Variants in ZNF423 observed in about 807,000 individuals in gnomAD.
ZNF423 encodes Ebf-associated zinc finger protein.
Under a neutral mutation model 95.8 loss-of-function variants are expected in ZNF423, and 12 were observed. The observed-to-expected ratio is 0.13, with a 90% CI of 0.08 to 0.20. The LOEUF is 0.20. Among genes scored for constraint, ZNF423 ranks in the 10% least tolerant of loss-of-function variants. The pLI, the probability that ZNF423 is intolerant of heterozygous loss-of-function variation, is 1.00. For missense variants in ZNF423, 1,316 were observed against 1,737.1 expected (o/e 0.76, Z 4.31); for synonymous variants, 749 against 711.9 (o/e 1.05, Z -0.83).
intron 5 of ZNF423, among the ~76,000 whole-genome samples, chr16:49,614,663 A>G (rs925535611): frequency 6.6e-6 from 1 of 152,166 alleles, no homozygotes; most frequent in Non-Finnish European, 1.5e-5. Context: ...CCTGGATGTG[A>G]TATTGTACTC....
chr16:49,824,158 G>A (rs1303680531), intron 1 of ZNF423, among the ~76,000 whole-genome samples: 1 of 152,080 alleles, frequency 6.6e-6, no homozygotes, highest in Non-Finnish European at 1.5e-5. Flanking sequence ...GGGGGGGAAT[G>A]TCCCAAAATA....
chr16:49,520,237 T>C (rs1178553206), intron 7 of ZNF423, among the ~76,000 whole-genome samples: 3 of 152,176 alleles, frequency 2.0e-5, no homozygotes, highest in Non-Finnish European at 4.4e-5. Flanking sequence ...AACAAATGAA[T>C]AGGAAAGCTA....
chr16:49,623,784 G>C (rs1400820819), intron 5 of ZNF423, among the ~76,000 whole-genome samples: 1 of 152,180 alleles, frequency 6.6e-6, no homozygotes, highest in African/African-American at 2.4e-5. Context: ...CACACGATTG[G>C]GAGTCAGTGG....
At chr16:49,779,182 A>C (rs1226245758) in intron 2 of ZNF423, among the ~76,000 whole-genome samples, 2 of 152,024 alleles carry the variant, frequency 1.3e-5, no homozygotes, top group African/African-American at 4.8e-5. Context: ...AGACACAGAG[A>C]ATCAGACTTG....
chr16:49,701,101 A>G (rs1008783596), intron 3 of ZNF423, among the ~76,000 whole-genome samples: 2 of 152,272 alleles, frequency 1.3e-5, no homozygotes, highest in Admixed American at 6.5e-5. Context: ...TGCCAGATTT[A>G]GAATGAAAAA....
intron 2 of ZNF423, among the ~76,000 whole-genome samples, chr16:49,747,656 T>TAA (rs10701037): frequency 0.089 from 13,138 of 147,388 alleles, 631 homozygotes; most frequent in Non-Finnish European, 0.1. Context: ...ATATTTCATT[T>TAA]AAAAAAAAAA....
Position 49,638,803 on chromosome 16 carries a change from G to C in ZNF423, c.373C>G (p.Gln125Glu). The change falls in exon 4 of 8, where the codon CAG (glutamine) becomes GAG (glutamate). Residue 125 changes from glutamine (Q) to glutamate (E), a missense_variant. Coordinates refer to ENST00000563137, the MANE Select transcript of ZNF423 (RefSeq NM_001379286.1). The surrounding 1 kb of genome is among the most constrained non-coding windows in gnomAD (Gnocchi z 5.6). ...PSSKDVASPT[Q>E]MIGDGCDLGL... ...AGGTCACAACCATCTCCGATCATCT[G>C]CGTGGGTGACGCAACATCCTTGCTG... 1 of 1,614,106 alleles carries C rather than the reference G, an allele frequency of 6.2e-7. No individual in the cohort carries two copies. Among genetic ancestry groups the C allele is most frequent in the African/African-American group, 1.3e-5 (1 of 75,060 alleles).
intron 3 of ZNF423, among the ~76,000 whole-genome samples, chr16:49,669,695 G>T (rs1028653793): frequency 1.3e-5 from 2 of 152,144 alleles, no homozygotes; most frequent in Admixed American, 1.3e-4. Context: ...AAAAAGAGTT[G>T]GTGATATCTC....
chr16:49,582,048 C>A (rs545400313), intron 5 of ZNF423, among the ~76,000 whole-genome samples: 1 of 152,206 alleles, frequency 6.6e-6, no homozygotes, highest in Non-Finnish European at 1.5e-5. Flanking sequence ...GTTGCACCTA[C>A]TCTGTCTGCA....
chr16:49,527,462 A>AC (rs1317197645), intron 5 of ZNF423, among the ~76,000 whole-genome samples: 2 of 151,722 alleles, frequency 1.3e-5, no homozygotes, highest in East Asian at 1.9e-4. Context: ...GCCTCAAAAG[A>AC]CCCCCCAATG....
At chr16:49,526,661 G>C (rs1262016752) in intron 5 of ZNF423, among the ~76,000 whole-genome samples, 1 of 152,240 alleles carries the variant, frequency 6.6e-6, no homozygotes, top group Non-Finnish European at 1.5e-5. Flanking sequence ...CCTGGTTTGA[G>C]CTTCACATCA....
intron 3 of ZNF423, among the ~76,000 whole-genome samples, chr16:49,699,465 G>A (rs556774698): frequency 6.6e-6 from 1 of 152,186 alleles, no homozygotes; most frequent in Admixed American, 6.5e-5. Flanking sequence ...CTGTTTGGGG[G>A]CGCAAAGGCT....
At chr16:49,575,624 T>C (rs72793532) in intron 5 of ZNF423, among the ~76,000 whole-genome samples, 5,468 of 152,236 alleles carry the variant, frequency 0.036, 141 homozygotes, top group African/African-American at 0.072. Flanking sequence ...GCTGTATGGC[T>C]AGCAGTGGGT....
chr16:49,853,593 G>T (rs1271470146), intron 1 of ZNF423: 1 of 976,350 alleles, frequency 1.0e-6, no homozygotes, highest in Non-Finnish European at 1.2e-6. Flanking sequence ...CTGGTCTCCT[G>T]TTCACCTTGC....
rs954625680 is a variant in ZNF423 at position 49,688,407 on chromosome 16, G to A, written c.301+42364C>T. 9.2e-5 allele frequency among the ~76,000 whole-genome samples: 14 copies of A among 152,284 alleles called. No homozygotes were observed. The East Asian group carries it at 1.2e-3, about 13-fold the overall frequency. On this transcript the variant is annotated intron_variant, in intron 3 of 7. Coordinates refer to ENST00000563137, the MANE Select transcript of ZNF423 (RefSeq NM_001379286.1). ...TTCAACAGAAAAGACATAGGAGCCCGCCCTCTTGCTCCATAGAGGGAAGCC... is the reference window on the plus strand; with the variant it reads ...TTCAACAGAAAAGACATAGGAGCCCACCCTCTTGCTCCATAGAGGGAAGCC...
At chr16:49,852,248 G>A (rs915362948) in intron 1 of ZNF423, among the ~76,000 whole-genome samples, 1 of 152,130 alleles carries the variant, frequency 6.6e-6, no homozygotes, top group Admixed American at 6.5e-5. Context: ...CGTTGGGGTG[G>A]GCGGGTGTAT....
chr16:49,691,508 G>A (rs528769330), intron 3 of ZNF423, among the ~76,000 whole-genome samples: 26 of 152,306 alleles, frequency 1.7e-4, no homozygotes, highest in Non-Finnish European at 3.4e-4. Context: ...CTAGGCGGGC[G>A]GATCACGAGA....
At position 49,626,177 on chromosome 16, in the gene ZNF423, G is replaced by A. The variant is rs1972260726; in HGVS notation, c.3594C>T (p.His1198=). The A allele has an allele frequency of 6.2e-7, 1 of 1,614,018 alleles. No individual in the cohort carries two copies. Among genetic ancestry groups the A allele is most frequent in the African/African-American group, 1.3e-5 (1 of 75,052 alleles). The part of the protein sequence containing the change: ...EREIQIHVAN[H]MIEEGINHEC... The stretch of plus-strand genomic sequence containing the variant: ...GAGGAAATGCTCTCTTACCAATCAT[G>A]TGGTTGGCAACGTGGATTTGGATCT... Residue 1198 remains histidine (H), a synonymous_variant, in exon 5 of 8, where the codon CAC becomes CAT. Coordinates refer to ENST00000563137, the MANE Select transcript of ZNF423 (RefSeq NM_001379286.1).
At chr16:49,731,009 G>A (rs1252604320) in intron 2 of ZNF423, 38 bp from the exon 3 acceptor site, 1 of 1,604,430 alleles carries the variant, frequency 6.2e-7, no homozygotes, top group South Asian at 1.1e-5. Flanking sequence ...TCAGCTGATG[G>A]GGTCTTGGGA....
Sources: gnomAD v4.1 joint callset for allele counts (sites outside exome capture counted in the v4.1 genomes callset) on GRCh38, gnomAD v4.1.1 for gene constraint, Gnocchi (gnomAD v3.1) non-coding constraint, MANE v1.5 for transcripts, NCBI Gene and HGNC (gene_info 2026-07-23, HGNC 2026-07-21) for gene names.